SUFU: variants seen among roughly 807,000 people sequenced by gnomAD.
The protein encoded by SUFU is SUFU negative regulator of hedgehog signaling.
In SUFU, 7 loss-of-function variants were observed where a neutral mutation model predicts 58.9. That is an observed-to-expected ratio of 0.12 (90% confidence interval 0.07 to 0.22). The LOEUF is 0.22. Ranked by LOEUF, SUFU falls within the 10% of genes least tolerant of loss-of-function variation. SUFU has a pLI of 1.00. For synonymous variants in SUFU, 232 were observed against 254.8 expected (o/e 0.91, Z 0.85); for missense variants, 451 against 641.3 (o/e 0.70, Z 3.20).
chr10:102,609,215 T>C (rs1352312242), intron 8 of SUFU, among the ~76,000 whole-genome samples: 1 of 152,146 alleles, frequency 6.6e-6, no homozygotes, highest in Admixed American at 6.5e-5. Flanking sequence ...AGAGTTGTGA[T>C]GGAAATGAAA....
At chr10:102,541,468 G>A (rs1332205365) in intron 2 of SUFU, among the ~76,000 whole-genome samples, 8 of 150,310 alleles carry the variant, frequency 5.3e-5, no homozygotes, top group Admixed American at 1.3e-4. Context: ...GTGCGATCTC[G>A]GCTCACTGCA....
At position 102,627,192 on chromosome 10, in the gene SUFU, G is replaced by A. The variant is rs1394954348; in HGVS notation, c.1314G>A (p.Glu438=). ...CTTCACAGATTCTGTTGACCGAAGAGTTTGTAGAGAAAATGTTGGAGGATT... is the reference window on the plus strand; with the variant it reads ...CTTCACAGATTCTGTTGACCGAAGAATTTGTAGAGAAAATGTTGGAGGATT... ...GPWLQILLTE[E]FVEKMLEDLE... Residue 438 remains glutamate, a synonymous_variant, in exon 11 of 12, where the codon GAG becomes GAA. Transcript: ENST00000369902. The A allele has an allele frequency of 6.2e-7, 1 of 1,614,258 alleles. No individual in the cohort carries two copies. Among genetic ancestry groups the A allele is most frequent in the East Asian group, 2.2e-5 (1 of 44,892 alleles).
At chr10:102,591,318 G>T (rs533657847) in intron 3 of SUFU, among the ~76,000 whole-genome samples, 1 of 152,124 alleles carries the variant, frequency 6.6e-6, no homozygotes, top group Non-Finnish European at 1.5e-5. Context: ...GGCTAACACC[G>T]TGAAATCCCA....
rs10656431 is a variant in SUFU, at chr10:102,577,080, C to CTTTTTTTTTTTTTT, written c.455-15498_455-15497insTTTTTTTTTTTTTT. Among the ~76,000 whole-genome samples the CTTTTTTTTTTTTTT allele has an allele frequency of 4.1e-5, 4 of 97,086 alleles. 2 individuals are homozygous for CTTTTTTTTTTTTTT. Among genetic ancestry groups the CTTTTTTTTTTTTTT allele is most frequent in the African/African-American group, 7.0e-5 (2 of 28,410 alleles). The allele number at this position is 97,086 out of a possible 152,430, so 63.7% of individuals were successfully genotyped here. ...AGTAGAAGCATGTCCTGGATTTTTT[C>CTTTTTTTTTTTTTT]TTTTCTTTTTTTTTTTTTTTTGAGA... On this transcript the variant is annotated intron_variant, in intron 3 of 11. Transcript: ENST00000369902.
At chr10:102,503,841 G>A (rs2062280683), upstream of SUFU, 1 of 374,552 alleles carries the variant, frequency 2.7e-6, no homozygotes, top group Non-Finnish European at 4.8e-6. Flanking sequence ...AGGGAGGGGA[G>A]GCGGGGCCTA....
chr10:102,538,700 G>A (rs923262867), intron 2 of SUFU, among the ~76,000 whole-genome samples: 1 of 152,146 alleles, frequency 6.6e-6, no homozygotes, highest in Non-Finnish European at 1.5e-5. Context: ...ATTTGTTACA[G>A]TCAGTGAACC....
At chr10:102,566,584 G>A (rs1411184673) in intron 3 of SUFU, among the ~76,000 whole-genome samples, 1 of 152,042 alleles carries the variant, frequency 6.6e-6, no homozygotes, top group African/African-American at 2.4e-5. Context: ...CCAACATAGT[G>A]AAACCCCGTC....
At chr10:102,627,074 A>G (rs1229954574) in intron 10 of SUFU, 101 bp from the exon 11 acceptor site, 2 of 1,296,516 alleles carry the variant, frequency 1.5e-6, no homozygotes, top group African/African-American at 1.5e-5. Context: ...CAGTGAGCTC[A>G]TCTCTCCTCC....
chr10:102,614,896 T>A (rs4408249), intron 8 of SUFU, among the ~76,000 whole-genome samples: 67,030 of 148,342 alleles, frequency 0.45, 15,294 homozygotes, highest in East Asian at 0.67. Flanking sequence ...AAAAAAAAAA[T>A]AGAATGTTGG....
At chr10:102,589,692 T>G (rs1306398787) in intron 3 of SUFU, among the ~76,000 whole-genome samples, 1 of 152,080 alleles carries the variant, frequency 6.6e-6, no homozygotes, top group Non-Finnish European at 1.5e-5. Context: ...GTGGTCCACC[T>G]GCCTCGACCT....
intron 8 of SUFU, among the ~76,000 whole-genome samples, chr10:102,614,861 A>G (rs4325251): frequency 0.99 from 150,121 of 151,208 alleles, 74,528 homozygotes; most frequent in East Asian, 1. Context: ...GGGTAATAGA[A>G]CGAGACACCA....
At chr10:102,585,988 A>C (rs2063332044) in intron 3 of SUFU, among the ~76,000 whole-genome samples, 1 of 150,962 alleles carries the variant, frequency 6.6e-6, no homozygotes, top group South Asian at 2.1e-4. Context: ...GGGTTCAAAC[A>C]ATTCTCCTGT....
Position 102,617,240 on chromosome 10 carries a change from G to A in SUFU, c.1158-50G>A. On this transcript the variant is annotated intron_variant, in intron 9 of 11. Transcript: ENST00000369902. This position sits in a 1 kb window ranked among gnomAD's most constrained non-coding sequence, Gnocchi z 4.4. ...GCCTTGGCCAGGCCTGCTGTGCTTG[G>A]AACTGTTTCCAAGCCCAGCTCCTCA... 1 of 1,613,778 alleles carries A rather than the reference G, an allele frequency of 6.2e-7. No individual in the cohort carries two copies. The highest frequency in any genetic ancestry group is 8.5e-7 in the Non-Finnish European group (1 of 1,179,960).
chr10:102,619,549 C>G lies in SUFU; in HGVS notation c.1296+2121C>G. ...GCTCCTGGGAAGGCTGGCGGAGGCC[C>G]CACACCCCAAGCACCCACCCTTGAT... On this transcript the variant is annotated intron_variant, in intron 10 of 11. Transcript: ENST00000369902. This position sits in a 1 kb window ranked among gnomAD's most constrained non-coding sequence, Gnocchi z 4.2. 9.4e-7 allele frequency: 1 copy of G among 1,067,374 alleles called. No individual in the cohort carries two copies. The highest frequency in any genetic ancestry group is 1.1e-6 in the Non-Finnish European group (1 of 873,668). The allele number at this position is 1,067,374 out of a possible 1,614,324, so 66.1% of individuals were successfully genotyped here.
chr10:102,507,616 G>T (rs1273002648), intron 1 of SUFU, among the ~76,000 whole-genome samples: 1 of 152,260 alleles, frequency 6.6e-6, no homozygotes, highest in Non-Finnish European at 1.5e-5. Context: ...TTTCCTAACA[G>T]AGAATAGGGA....
chr10:102,622,686 G>C (rs2063750256), intron 10 of SUFU, among the ~76,000 whole-genome samples: 1 of 152,126 alleles, frequency 6.6e-6, no homozygotes, highest in Non-Finnish European at 1.5e-5. Context: ...GGGCCCAGTG[G>C]CTCACGCCTG....
intron 3 of SUFU, among the ~76,000 whole-genome samples, chr10:102,570,476 T>C (rs959878299): frequency 6.6e-6 from 1 of 152,174 alleles, no homozygotes. Flanking sequence ...CTCCTGACTT[T>C]GTGATCCGCC....
intron 2 of SUFU, among the ~76,000 whole-genome samples, chr10:102,523,295 C>T (rs1364710454): frequency 6.6e-6 from 1 of 152,176 alleles, no homozygotes; most frequent in African/African-American, 2.4e-5. Context: ...TTTTCTAGTA[C>T]TAACCCTCAT....
intron 1 of SUFU, among the ~76,000 whole-genome samples, chr10:102,505,285 T>A (rs1447065728): frequency 6.6e-6 from 1 of 152,234 alleles, no homozygotes; most frequent in African/African-American, 2.4e-5. Flanking sequence ...GTTTGCAGCC[T>A]GTTTCTTCCT....
Sources: gnomAD v4.1 joint callset for allele counts (sites outside exome capture counted in the v4.1 genomes callset) on GRCh38, gnomAD v4.1.1 for gene constraint, Gnocchi (gnomAD v3.1) non-coding constraint, MANE v1.5 for transcripts, NCBI Gene and HGNC (gene_info 2026-07-23, HGNC 2026-07-21) for gene names.